SCMH1: variants seen among roughly 807,000 people sequenced by gnomAD.
SCMH1 encodes polycomb protein SCMH1.
SCMH1 carries 37 observed loss-of-function variants against 70.8 expected under a neutral mutation model. The observed-to-expected ratio is 0.52, with a 90% confidence interval of 0.40 to 0.69. SCMH1 has a LOEUF of 0.69. SCMH1 is among the 30% of genes least tolerant of loss of function. The pLI is 0.00. For synonymous variants in SCMH1, 292 were observed against 307.4 expected (o/e 0.95, Z 0.52); for missense variants, 607 against 827.3 (o/e 0.73, Z 3.27).
chr1:41,146,707 C>G lies in SCMH1; in HGVS notation c.178-3595G>C, dbSNP rs188045892. Reference sequence around the variant, plus strand: ...TAGGTGTGTAGTAGGCTATAGCATCCAGGTTTGTGCAAGTATATTCTATGT... The same window carrying G: ...TAGGTGTGTAGTAGGCTATAGCATCGAGGTTTGTGCAAGTATATTCTATGT... On this transcript the variant is annotated intron_variant, in intron 5 of 14. Coordinates refer to ENST00000337495, the Ensembl canonical transcript of SCMH1. 4.3e-3 allele frequency among the ~76,000 whole-genome samples: 655 copies of G among 152,158 alleles called. 3 individuals are homozygous for G. The highest frequency in any genetic ancestry group is 0.015 in the African/African-American group (608 of 41,516).
At chr1:41,175,107 T>C (rs1049095731) in intron 2 of SCMH1, among the ~76,000 whole-genome samples, 9 of 152,230 alleles carry the variant, frequency 5.9e-5, no homozygotes, top group Non-Finnish European at 1.0e-4. Context: ...TAAACATTAT[T>C]TCTGAGTGTA....
intron 2 of SCMH1, among the ~76,000 whole-genome samples, chr1:41,182,967 G>A (rs1453054457): frequency 6.6e-6 from 1 of 152,134 alleles, no homozygotes; most frequent in East Asian, 1.9e-4. Flanking sequence ...AAAGGAGCTA[G>A]TCACCTATCA....
rs1014450304 is a variant in SCMH1, at chr1:41,209,246, T to C, written c.-117-22996A>G. Among the ~76,000 whole-genome samples the C allele has an allele frequency of 3.9e-5, 6 of 151,990 alleles. No homozygotes were observed. The East Asian group carries it at 1.2e-3, about 29-fold the overall frequency. ...TTAATAGCCTACCAACCAAAAAAAG[T>C]CCAGGACTAGATGGATTCACAGTTG... On this transcript the variant is annotated intron_variant, in intron 1 of 14. Transcript: ENST00000337495.
At chr1:41,149,580 A>G (rs565617533) in intron 5 of SCMH1, among the ~76,000 whole-genome samples, 1 of 152,206 alleles carries the variant, frequency 6.6e-6, no homozygotes, top group South Asian at 2.1e-4. Flanking sequence ...GGTACTGGAT[A>G]TTCTTGCATT....
intron 8 of SCMH1, among the ~76,000 whole-genome samples, chr1:41,112,023 A>G (rs1015611591): frequency 3.3e-5 from 5 of 152,218 alleles, no homozygotes; most frequent in Non-Finnish European, 5.9e-5. Flanking sequence ...CAATAGGGCT[A>G]TTAAACAAAA....
At chr1:41,090,658 C>A (rs183172959) in intron 8 of SCMH1, among the ~76,000 whole-genome samples, 79 of 152,074 alleles carry the variant, frequency 5.2e-4, no homozygotes, top group African/African-American at 1.9e-3. Flanking sequence ...CAATTACATA[C>A]CTACAATTAA....
chr1:41,106,381 G>A (rs563311196), intron 8 of SCMH1, among the ~76,000 whole-genome samples: 12 of 151,724 alleles, frequency 7.9e-5, no homozygotes, highest in East Asian at 1.9e-4. Flanking sequence ...CCATCTGCCT[G>A]CTCCAGCTTT....
intron 2 of SCMH1, among the ~76,000 whole-genome samples, chr1:41,166,052 T>C (rs1572770353): frequency 6.6e-6 from 1 of 152,154 alleles, no homozygotes; most frequent in African/African-American, 2.4e-5. Flanking sequence ...AGATCCACTT[T>C]CATTCTTCTA....
At chr1:41,106,023 C>T (rs186720276) in intron 8 of SCMH1, among the ~76,000 whole-genome samples, 2 of 151,438 alleles carry the variant, frequency 1.3e-5, no homozygotes, top group Admixed American at 6.6e-5. Flanking sequence ...TACAGGTGCA[C>T]GCCACCATGC....
chr1:41,077,378 T>C (rs1010751151), intron 8 of SCMH1, among the ~76,000 whole-genome samples: 4 of 152,146 alleles, frequency 2.6e-5, no homozygotes, highest in South Asian at 2.1e-4. Flanking sequence ...GTTTTTCTCA[T>C]TGGGTATCTG....
chr1:41,100,216 A>G (rs1666192731), intron 8 of SCMH1, among the ~76,000 whole-genome samples: 1 of 152,224 alleles, frequency 6.6e-6, no homozygotes, highest in Non-Finnish European at 1.5e-5. Context: ...TAAGGAGAAT[A>G]CTAAGTTTAT....
intron 10 of SCMH1, among the ~76,000 whole-genome samples, chr1:41,058,378 GTT>G (rs548733204): frequency 2.1e-3 from 174 of 81,640 alleles, no homozygotes; most frequent in African/African-American, 8.0e-3. Context: ...TTTCTTTCTT[GTT>G]TTTTTTTTTT....
chr1:41,142,039 AATT>A (rs1644133116), intron 6 of SCMH1, among the ~76,000 whole-genome samples: 1 of 152,210 alleles, frequency 6.6e-6, no homozygotes, highest in African/African-American at 2.4e-5. Flanking sequence ...GTATAGATAA[AATT>A]ATATTGACTT....
At chr1:41,216,705 A>C (rs1333694407) in intron 1 of SCMH1, among the ~76,000 whole-genome samples, 1 of 152,214 alleles carries the variant, frequency 6.6e-6, no homozygotes, top group Non-Finnish European at 1.5e-5. Flanking sequence ...AAATGAGAGA[A>C]AGACAAATGG....
intron 8 of SCMH1, among the ~76,000 whole-genome samples, chr1:41,106,415 C>T (rs956856554): frequency 6.6e-6 from 1 of 151,772 alleles, no homozygotes; most frequent in Non-Finnish European, 1.5e-5. Flanking sequence ...AGTAAAAGCT[C>T]CCTGAGGCCT....
intron 13 of SCMH1, among the ~76,000 whole-genome samples, chr1:41,034,944 A>G (rs553114625): frequency 6.6e-6 from 1 of 152,256 alleles, no homozygotes; most frequent in African/African-American, 2.4e-5. Flanking sequence ...TAATCCTTGG[A>G]GGCAATCCAG....
chr1:41,234,598 C>T lies in SCMH1; in HGVS notation c.-118+7461G>A, dbSNP rs566630626. 3.3e-3 allele frequency among the ~76,000 whole-genome samples: 494 copies of T among 150,986 alleles called. 2 individuals are homozygous for T. Among genetic ancestry groups the T allele is most frequent in the Admixed American group, 5.8e-3 (88 of 15,076 alleles). On this transcript the variant is annotated intron_variant, in intron 1 of 14. Transcript: ENST00000337495. ...CAAGCCATTCTCCTGCCTCAGACTC[C>T]GGAGTTGCTGGGACTACAGGCACCC...
At chr1:41,032,382 C>T (rs924474151) in intron 13 of SCMH1, among the ~76,000 whole-genome samples, 3 of 152,080 alleles carry the variant, frequency 2.0e-5, no homozygotes, top group Non-Finnish European at 4.4e-5. Flanking sequence ...GACCTTGAGG[C>T]AGAAGAGCAA....
intron 6 of SCMH1, among the ~76,000 whole-genome samples, chr1:41,120,832 C>T (rs189688710): frequency 5.3e-4 from 81 of 152,234 alleles, no homozygotes; most frequent in African/African-American, 1.9e-3. Flanking sequence ...GGCTGGAACC[C>T]CAGGACTTCT....
Sources: allele counts gnomAD v4.1 joint callset (sites outside exome capture counted in the v4.1 genomes callset), GRCh38; gene constraint gnomAD v4.1.1; transcripts MANE v1.5; gene names NCBI Gene and HGNC (gene_info 2026-07-23, HGNC 2026-07-21).